The following MAF variants were observed in gnomAD, a reference collection of about 807,000 sequenced individuals.
The protein encoded by MAF is MAF bZIP transcription factor, also known as transcription factor Maf.
A neutral mutation model predicts 22.0 loss-of-function variants in MAF; 10 were observed. The observed-to-expected ratio is 0.45, with a 90% CI of 0.28 to 0.77. The LOEUF (loss-of-function observed/expected upper bound fraction) is 0.77, where lower values mean the gene tolerates loss of function less well. Among genes scored for constraint, MAF ranks in the 30% least tolerant of loss-of-function variants. The pLI, the probability that MAF is intolerant of heterozygous loss-of-function variation, is 0.12. For synonymous variants in MAF, 337 were observed against 255.8 expected, an observed-to-expected ratio of 1.32 and a Z score of -3.03; for missense variants, 544 against 548.4, an observed-to-expected ratio of 0.99 and a Z score of 0.08.
chr16:79,291,279 C>T, the MAF span, among the ~76,000 whole-genome samples: 1 of 152,246 alleles, frequency 6.6e-6, no homozygotes, highest in South Asian at 2.1e-4. Context: ...CAACTGGCTT[C>T]CTGTAGGTTT....
chr16:79,539,222 G>C, the MAF span, among the ~76,000 whole-genome samples: 196 of 152,340 alleles, frequency 1.3e-3, 1 homozygote, highest in African/African-American at 4.1e-3. Flanking sequence ...TTTAAAATTA[G>C]GCCAGGTGTG....
the MAF span, among the ~76,000 whole-genome samples, chr16:79,359,147 A>G: frequency 2.6e-5 from 4 of 152,322 alleles, no homozygotes; most frequent in South Asian, 2.1e-4. Flanking sequence ...TTCTCTCTCC[A>G]TACATCATTC....
the MAF span, among the ~76,000 whole-genome samples, chr16:79,307,067 A>T: frequency 6.6e-6 from 1 of 152,238 alleles, no homozygotes; most frequent in African/African-American, 2.4e-5. Context: ...TATGTTTGCA[A>T]AATGGATCCC....
the MAF span, among the ~76,000 whole-genome samples, chr16:79,405,298 G>A: frequency 1.3e-5 from 2 of 152,112 alleles, no homozygotes; most frequent in Non-Finnish European, 2.9e-5. Context: ...CACCTACATG[G>A]GGACATCACT....
the MAF span, among the ~76,000 whole-genome samples, chr16:79,243,141 C>G: frequency 2.0e-5 from 3 of 151,816 alleles, no homozygotes; most frequent in African/African-American, 4.8e-5. Flanking sequence ...ATCAAAAGAA[C>G]TAGAGAAGCA....
At chr16:79,349,197 G>T in the MAF span, among the ~76,000 whole-genome samples, 1 of 152,232 alleles carries the variant, frequency 6.6e-6, no homozygotes, top group Non-Finnish European at 1.5e-5. Flanking sequence ...GGCACACAGT[G>T]TGAAAGGGCA....
At chr16:79,364,691 G>A in the MAF span, among the ~76,000 whole-genome samples, 1 of 152,158 alleles carries the variant, frequency 6.6e-6, no homozygotes, top group Non-Finnish European at 1.5e-5. Flanking sequence ...CATTCTGAGA[G>A]CATTCATATG....
At chr16:79,362,086 C>A in the MAF span, among the ~76,000 whole-genome samples, 2 of 152,176 alleles carry the variant, frequency 1.3e-5, no homozygotes, top group African/African-American at 4.8e-5. Flanking sequence ...GGCCACTTAC[C>A]TATCTGTGAT....
the MAF span, among the ~76,000 whole-genome samples, chr16:79,541,119 A>G: frequency 1.4e-5 from 2 of 147,234 alleles, no homozygotes; most frequent in African/African-American, 4.9e-5. Flanking sequence ...TACTGATATT[A>G]CCACTACTAT....
chr16:79,243,252 T>A, the MAF span, among the ~76,000 whole-genome samples: 2,932 of 152,048 alleles, frequency 0.019, 82 homozygotes, highest in African/African-American at 0.068. Flanking sequence ...AAAAAATCCG[T>A]GAATCCAGAA....
At chr16:79,428,170 C>T in the MAF span, among the ~76,000 whole-genome samples, 1 of 149,080 alleles carries the variant, frequency 6.7e-6, no homozygotes, top group African/African-American at 2.5e-5. Flanking sequence ...TTAAAAAGCA[C>T]AGCTCTAAGT....
At chr16:79,594,653 A>G (rs1309533970) in intron 1 of MAF, 100 bp from the exon 2 acceptor site, 1 of 1,510,846 alleles carries the variant, frequency 6.6e-7, no homozygotes, top group Non-Finnish European at 8.9e-7. Context: ...TTTTTTTTTT[A>G]AATTTAGAGA....
chr16:79,226,098 T>C, the MAF span, among the ~76,000 whole-genome samples: 1 of 152,220 alleles, frequency 6.6e-6, no homozygotes, highest in South Asian at 2.1e-4. Context: ...ATTGCAGTAC[T>C]GTGCACAGTA....
At chr16:79,356,318 G>A in the MAF span, among the ~76,000 whole-genome samples, 1 of 152,018 alleles carries the variant, frequency 6.6e-6, no homozygotes, top group African/African-American at 2.4e-5. Flanking sequence ...TTTAACTAAC[G>A]AGCAGGAAAT....
intron 1 of MAF, among the ~76,000 whole-genome samples, chr16:79,588,497 C>T (rs1187059504): frequency 1.3e-5 from 2 of 151,984 alleles, no homozygotes; most frequent in East Asian, 1.9e-4. Flanking sequence ...TGCAGTGGCG[C>T]AATCTGGGCT....
the MAF span, among the ~76,000 whole-genome samples, chr16:79,492,658 T>C: frequency 2.0e-5 from 3 of 152,008 alleles, no homozygotes; most frequent in African/African-American, 7.3e-5. Flanking sequence ...GTTAAGTAAA[T>C]TGTAGTCTAC....
chr16:79,256,364 C>T, the MAF span, among the ~76,000 whole-genome samples: 3 of 152,088 alleles, frequency 2.0e-5, no homozygotes, highest in Admixed American at 1.3e-4. Context: ...CTCCCCACTG[C>T]AACAGCATCC....
chr16:79,309,854 T>C, the MAF span, among the ~76,000 whole-genome samples: 1 of 152,168 alleles, frequency 6.6e-6, no homozygotes, highest in Non-Finnish European at 1.5e-5. Context: ...GCCCCACAAC[T>C]CGGCTCCCAG....
the MAF span, among the ~76,000 whole-genome samples, chr16:79,552,380 T>G: frequency 2.6e-5 from 4 of 152,164 alleles, no homozygotes; most frequent in African/African-American, 9.6e-5. Context: ...CTTAATTGTT[T>G]ATTTGTTCTG....
Sources: gnomAD v4.1 joint callset for allele counts (sites outside exome capture counted in the v4.1 genomes callset) on GRCh38, gnomAD v4.1.1 for gene constraint, MANE v1.5 for transcripts, NCBI Gene and HGNC (gene_info 2026-07-23, HGNC 2026-07-21) for gene names.